Variants in MAGEB1 observed in about 807,000 individuals in gnomAD.
The protein encoded by MAGEB1 is melanoma-associated antigen B1.
For missense variants in MAGEB1, 290 were observed against 286.7 expected (o/e 1.01, Z -0.08); for synonymous variants, 99 against 105.7 (o/e 0.94, Z 0.39).
rs1353314757 is a variant in MAGEB1, at chrX:30,251,001, C to T, written c.508C>T (p.Pro170Ser). The T allele has an allele frequency of 8.3e-7, 1 of 1,211,573 alleles. No homozygotes were observed. Among genetic ancestry groups the T allele is most frequent in the South Asian group, 1.8e-5 (1 of 56,838 alleles). Residue 170 changes from proline (P) to serine (S), a missense_variant, in exon 2 of 2, where the codon CCT becomes TCT. Coordinates refer to ENST00000397548, the MANE Select transcript of MAGEB1 (RefSeq NM_177404.3). ...VFGLDLKEDN[P>S]SGHTYTLVSK... is the part of the protein sequence containing the mutation. ...TGGCCTTGATTTGAAGGAAGACAAC[C>T]CTAGTGGCCACACCTACACCCTCGT...
chrX:30,246,092 T>C (rs1340928565), upstream of MAGEB1, among the ~76,000 whole-genome samples: 2 of 111,878 alleles, frequency 1.8e-5, no homozygotes, highest in Admixed American at 9.4e-5. Context: ...CCCTCATGAA[T>C]GAATGGTGGG....
At position 30,248,292 on chromosome X, in the gene MAGEB1, G is replaced by A. The variant is rs538100000; in HGVS notation, c.-61+1036G>A. On this transcript the variant is annotated intron_variant, in intron 1 of 1. Coordinates refer to ENST00000397548, the MANE Select transcript of MAGEB1 (RefSeq NM_177404.3). ...AGAGAGAGGAGGGCCTTGGTTTAAGGCCTCACTGCCCCAGTTCAGTAGAGA... is the reference window on the plus strand; with the variant it reads ...AGAGAGAGGAGGGCCTTGGTTTAAGACCTCACTGCCCCAGTTCAGTAGAGA... 8.0e-5 allele frequency among the ~76,000 whole-genome samples: 9 copies of A among 112,030 alleles called. No homozygotes were observed. In the East Asian group the frequency reaches 2.5e-3, roughly 32 times the overall value.
upstream of MAGEB1, among the ~76,000 whole-genome samples, chrX:30,245,758 C>A (rs982492080): frequency 8.9e-6 from 1 of 112,080 alleles, no homozygotes; most frequent in African/African-American, 3.2e-5. Context: ...ATATGATCAC[C>A]GACAGAAGCA....
chrX:30,251,763 A>G lies in MAGEB1; in HGVS notation c.*226A>G. The G allele has an allele frequency of 2.8e-6, 1 of 360,396 alleles. No homozygotes were observed. The highest frequency in any genetic ancestry group is 4.9e-6 in the Non-Finnish European group (1 of 204,254). The allele number at this position is 360,396 out of a possible 1,213,427, so 29.7% of individuals were successfully genotyped here. The stretch of plus-strand genomic sequence containing the variant: ...CACATTTATTGGTGCTGCCAGCTTT[A>G]AGCATATGAGTTTTGATATTCTATA... On this transcript the variant is annotated 3_prime_UTR_variant, in exon 2 of 2. Coordinates refer to ENST00000397548, the MANE Select transcript of MAGEB1 (RefSeq NM_177404.3).
upstream of MAGEB1, among the ~76,000 whole-genome samples, chrX:30,246,720 A>C (rs1284303590): frequency 8.9e-6 from 1 of 112,266 alleles, no homozygotes; most frequent in Non-Finnish European, 1.9e-5. Flanking sequence ...TATCTACCTA[A>C]GGTGCCTCTC....
intron 1 of MAGEB1, 31 bp from the exon 2 acceptor site, chrX:30,250,403 T>A (rs1432364878): frequency 3.9e-6 from 3 of 772,801 alleles, no homozygotes; most frequent in Non-Finnish European, 5.5e-6. Flanking sequence ...CTGCTGCAAG[T>A]ACTCACAGGA....
At chrX:30,246,688 G>C (rs1265193770), upstream of MAGEB1, among the ~76,000 whole-genome samples, 1 of 112,175 alleles carries the variant, frequency 8.9e-6, no homozygotes, top group East Asian at 2.8e-4. Context: ...AATTCACCCC[G>C]TTTTGAGGCA....
At chrX:30,249,564 A>T (rs1043047784) in intron 1 of MAGEB1, among the ~76,000 whole-genome samples, 2 of 111,848 alleles carry the variant, frequency 1.8e-5, no homozygotes, top group Non-Finnish European at 3.8e-5. Context: ...GGAGACCTTG[A>T]GTGAGGACCA....
chrX:30,246,761 G>C (rs752243491), upstream of MAGEB1, among the ~76,000 whole-genome samples: 10 of 111,915 alleles, frequency 8.9e-5, no homozygotes, highest in Non-Finnish European at 1.9e-4. Context: ...ATGGAGGATG[G>C]GGAGCGTGGG....
upstream of MAGEB1, chrX:30,246,182 G>A (rs1333778807): frequency 8.9e-6 from 1 of 112,028 alleles, no homozygotes; most frequent in African/African-American, 3.2e-5. Flanking sequence ...AGGAGTCCCA[G>A]GTTCTGATAC....
chrX:30,245,834 A>C (rs1030759495), upstream of MAGEB1, among the ~76,000 whole-genome samples: 1 of 112,502 alleles, frequency 8.9e-6, no homozygotes, highest in Admixed American at 9.4e-5. Flanking sequence ...TTTCTGTAGA[A>C]AGTAAAACTT....
chrX:30,250,081 C>T (rs760625102), intron 1 of MAGEB1, among the ~76,000 whole-genome samples: 2 of 111,653 alleles, frequency 1.8e-5, no homozygotes, highest in South Asian at 3.8e-4. Context: ...ACTGCCATCC[C>T]GCCCAGCCCC....
chrX:30,246,745 G>T (rs1003967762), upstream of MAGEB1, among the ~76,000 whole-genome samples: 2 of 112,259 alleles, frequency 1.8e-5, no homozygotes, highest in Admixed American at 1.9e-4. Context: ...CCGCCTGGAA[G>T]GTCTCATGGA....
upstream of MAGEB1, chrX:30,246,423 G>A (rs1308712840): frequency 1.8e-5 from 2 of 111,899 alleles, no homozygotes; most frequent in Non-Finnish European, 3.8e-5. Flanking sequence ...ACTTGTCAAG[G>A]TGAGGACCTG....
upstream of MAGEB1, among the ~76,000 whole-genome samples, chrX:30,245,072 A>G (rs752238946): frequency 8.9e-6 from 1 of 111,792 alleles, no homozygotes; most frequent in African/African-American, 3.3e-5. Context: ...ATGAATGAAA[A>G]TAAGACTGGT....
At position 30,251,073 on chromosome X, in the gene MAGEB1, G is replaced by A. The variant is rs1262244544; in HGVS notation, c.580G>A (p.Asp194Asn). ...TNDGNLSNDWDFPRNGLLMPL... is the reference protein window; with the variant it reads ...TNDGNLSNDWNFPRNGLLMPL... ...TGATGGAAACCTGAGCAATGATTGGGACTTTCCCAGGAATGGGCTTCTGAT... is the reference window on the plus strand; with the variant it reads ...TGATGGAAACCTGAGCAATGATTGGAACTTTCCCAGGAATGGGCTTCTGAT... The change falls in exon 2 of 2, where the codon GAC (aspartate) becomes AAC (asparagine). Residue 194 changes from aspartate to asparagine, a missense_variant. Physicochemically the swap from Asp to Asn is conservative, Grantham distance 23. Coordinates refer to ENST00000397548, the MANE Select transcript of MAGEB1 (RefSeq NM_177404.3). 1 of 1,210,542 alleles carries A rather than the reference G, an allele frequency of 8.3e-7. No homozygotes were observed. Among genetic ancestry groups the A allele is most frequent in the Non-Finnish European group, 1.1e-6 (1 of 894,793 alleles).
chrX:30,251,249 A>C lies in MAGEB1; in HGVS notation c.756A>C (p.Glu252Asp), dbSNP rs375305996. The change falls in exon 2 of 2, where the codon GAA (glutamate) becomes GAC (aspartate). Residue 252 changes from glutamate to aspartate, a missense_variant. By Grantham distance (45) the Glu-to-Asp change is conservative (BLOSUM62 2). Transcript: ENST00000397548. ...TCATCACCCAAGATCTGGTGCAGGA[A>C]AAATATCTGAAGTACGAGCAGGTGC... Reference protein sequence around the residue: ...RKFITQDLVQEKYLKYEQVPN... With the variant: ...RKFITQDLVQDKYLKYEQVPN... 5.6e-5 allele frequency: 68 copies of C among 1,212,119 alleles called. No individual in the cohort carries two copies. The highest frequency in any genetic ancestry group is 7.6e-5 in the Non-Finnish European group (68 of 895,603).
At position 30,251,840 on chromosome X, in the gene MAGEB1, TTAGAA is replaced by T; in HGVS notation, c.*308_*312del. 4.2e-6 allele frequency: 1 copy of T among 236,115 alleles called. No homozygotes were observed. The highest frequency in any genetic ancestry group is 8.0e-6 in the Non-Finnish European group (1 of 125,203). 19.5% of individuals were successfully genotyped at this position (236,115 alleles called of 1,213,427 possible). On this transcript the variant is annotated 3_prime_UTR_variant, in exon 2 of 2. Coordinates refer to ENST00000397548, the MANE Select transcript of MAGEB1 (RefSeq NM_177404.3). ...GGTTGAAGAAGAAGAAAGCATAGCT[TTAGAA>T]TAGAGATTTTCTCAGAAATGTGTGA...
At position 30,251,213 on chromosome X, in the gene MAGEB1, A is replaced by T. The variant is rs973304413; in HGVS notation, c.720A>T (p.Glu240Asp). The T allele has an allele frequency of 2.5e-6, 3 of 1,210,390 alleles. No homozygotes were observed. The African/African-American group carries it at 5.2e-5, about 21-fold the overall frequency. The change falls in exon 2 of 2, where the codon GAA (glutamate) becomes GAT (aspartate). Residue 240 changes from glutamate to aspartate, a missense_variant. By Grantham distance (45) the Glu-to-Asp change is conservative (BLOSUM62 2). Transcript: ENST00000397548. Reference sequence around the variant, plus strand: ...GAGAGGAGCACTTAATCTATGGGGAACCCCGTAAGTTCATCACCCAAGATC... The same window carrying T: ...GAGAGGAGCACTTAATCTATGGGGATCCCCGTAAGTTCATCACCCAAGATC... ...YDGEEHLIYGEPRKFITQDLV... is the reference protein window; with the variant it reads ...YDGEEHLIYGDPRKFITQDLV...
Sources: gnomAD v4.1 joint callset for allele counts (sites outside exome capture counted in the v4.1 genomes callset) on GRCh38, gnomAD v4.1.1 for gene constraint, MANE v1.5 for transcripts, NCBI Gene and HGNC (gene_info 2026-07-23, HGNC 2026-07-21) for gene names.